SAMMSON: variants seen among roughly 807,000 people sequenced by gnomAD.
SAMMSON encodes survival associated mitochondrial melanoma specific oncogenic non-coding RNA, also known as long intergenic non-protein coding RNA 1212.
intron 2 of SAMMSON, among the ~76,000 whole-genome samples, chr3:70,429,997 T>A (rs927549055): frequency 6.6e-6 from 1 of 152,142 alleles, no homozygotes; most frequent in Non-Finnish European, 1.5e-5. Context: ...GAACTTCCAA[T>A]ACTATGTTGA....
At chr3:70,094,240 C>G (rs543994778) in intron 4 of SAMMSON, among the ~76,000 whole-genome samples, 1 of 152,258 alleles carries the variant, frequency 6.6e-6, no homozygotes, top group East Asian at 1.9e-4. Flanking sequence ...TAGGCCACCA[C>G]CAGGATCTCA....
intron 7 of SAMMSON, among the ~76,000 whole-genome samples, chr3:70,297,471 C>G (rs770618405): frequency 6.6e-6 from 1 of 151,952 alleles, no homozygotes; most frequent in African/African-American, 2.4e-5. Flanking sequence ...TCTCTGGTTA[C>G]TAATGACAAA....
At chr3:70,019,240 G>A (rs565144709) in intron 3 of SAMMSON, among the ~76,000 whole-genome samples, 7 of 152,098 alleles carry the variant, frequency 4.6e-5, no homozygotes, top group South Asian at 2.1e-4. Flanking sequence ...GATCTCTAAG[G>A]ACTTGCTTTA....
At chr3:70,103,991 A>C (rs1424541001) in intron 4 of SAMMSON, among the ~76,000 whole-genome samples, 1 of 142,112 alleles carries the variant, frequency 7.0e-6, no homozygotes, top group Non-Finnish European at 1.5e-5. Flanking sequence ...TGATTCATTT[A>C]AGCTTTTTTT....
In SAMMSON at chr3:70,362,429, G is replaced by T. The variant is rs115234482; in HGVS notation, n.913+4105G>T. ...ATGTCTTTGACCTTATGTTTCTGGT[G>T]TTCTGCATGTATAGAAAGTCTGTTT... On this transcript the variant is annotated intron_variant and non_coding_transcript_variant, in intron 9 of 9. Transcript: ENST00000642114. Among the ~76,000 whole-genome samples the T allele has an allele frequency of 2.8e-3, 422 of 152,178 alleles. 3 individuals carry two copies. Among genetic ancestry groups the T allele is most frequent in the Non-Finnish European group, 4.2e-3 (288 of 67,982 alleles).
chr3:70,094,468 T>G (rs983535363), intron 4 of SAMMSON, among the ~76,000 whole-genome samples: 3 of 152,204 alleles, frequency 2.0e-5, no homozygotes, highest in Non-Finnish European at 2.9e-5. Flanking sequence ...TAATATGCTC[T>G]AAAATTCTCT....
chr3:70,288,129 TAG>T (rs1702187944), intron 6 of SAMMSON, among the ~76,000 whole-genome samples: 1 of 145,992 alleles, frequency 6.8e-6, no homozygotes, highest in Non-Finnish European at 1.5e-5. Context: ...CTTGCTTTTC[TAG>T]TTCTTTTAAT....
At chr3:70,417,652 A>C (rs9875138) in intron 2 of SAMMSON, among the ~76,000 whole-genome samples, 47,228 of 151,970 alleles carry the variant, frequency 0.31, 7,612 homozygotes, top group Non-Finnish European at 0.34. Context: ...ACTTTCTCTG[A>C]GTTAGCTTCC....
intron 4 of SAMMSON, among the ~76,000 whole-genome samples, chr3:70,149,640 T>A (rs893632167): frequency 6.6e-6 from 1 of 152,098 alleles, no homozygotes; most frequent in African/African-American, 2.4e-5. Context: ...CAGTTAACTT[T>A]GCTTCTGATT....
intron 3 of SAMMSON, among the ~76,000 whole-genome samples, chr3:70,018,179 C>G (rs2066995029): frequency 6.6e-6 from 1 of 152,084 alleles, no homozygotes. Context: ...CTTCTTGTAC[C>G]TCTGATAGAA....
intron 4 of SAMMSON, among the ~76,000 whole-genome samples, chr3:70,099,610 A>G (rs1476812223): frequency 6.6e-6 from 1 of 152,202 alleles, no homozygotes; most frequent in Non-Finnish European, 1.5e-5. Flanking sequence ...TTTGTCAATT[A>G]TATGTTTTGC....
chr3:70,155,986 T>C (rs1234430610), intron 4 of SAMMSON, among the ~76,000 whole-genome samples: 1 of 152,036 alleles, frequency 6.6e-6, no homozygotes, highest in Non-Finnish European at 1.5e-5. Flanking sequence ...CTTGCTCCCA[T>C]TTTGCAGATG....
intron 4 of SAMMSON, among the ~76,000 whole-genome samples, chr3:70,167,206 A>C (rs1054699836): frequency 6.6e-6 from 1 of 151,976 alleles, no homozygotes; most frequent in Non-Finnish European, 1.5e-5. Flanking sequence ...GCTAGTGACT[A>C]TCGTATTGGA....
intron 4 of SAMMSON, among the ~76,000 whole-genome samples, chr3:70,135,607 A>G (rs997935143): frequency 2.0e-5 from 3 of 152,204 alleles, no homozygotes; most frequent in African/African-American, 7.2e-5. Context: ...ATAAAAACAC[A>G]TAAGCCAAAG....
At chr3:70,233,114 G>T (rs1701576803) in intron 4 of SAMMSON, among the ~76,000 whole-genome samples, 1 of 152,174 alleles carries the variant, frequency 6.6e-6, no homozygotes, top group South Asian at 2.1e-4. Context: ...GCTTAAACCT[G>T]GGAGGCAGAG....
intron 4 of SAMMSON, among the ~76,000 whole-genome samples, chr3:70,192,091 C>T (rs776776944): frequency 2.0e-5 from 3 of 151,858 alleles, no homozygotes; most frequent in Non-Finnish European, 4.4e-5. Context: ...AGGTGAAATT[C>T]GGATTTTAGT....
chr3:70,296,971 T>C (rs1311955352), intron 7 of SAMMSON, among the ~76,000 whole-genome samples: 2 of 152,014 alleles, frequency 1.3e-5, no homozygotes, highest in Non-Finnish European at 2.9e-5. Flanking sequence ...CAATATCTGA[T>C]CTAATATCCC....
intron 2 of SAMMSON, among the ~76,000 whole-genome samples, chr3:70,405,168 G>C (rs891037149): frequency 6.6e-6 from 1 of 152,104 alleles, no homozygotes; most frequent in Admixed American, 6.5e-5. Flanking sequence ...TACCAAATAA[G>C]GGTCACCACA....
At chr3:70,299,460 A>C (rs4437104) in intron 7 of SAMMSON, among the ~76,000 whole-genome samples, 31,553 of 152,022 alleles carry the variant, frequency 0.21, 3,469 homozygotes, top group South Asian at 0.28. Context: ...AAGCCACACA[A>C]AAGCACATAC....
Sources: gnomAD v4.1 joint callset for allele counts (sites outside exome capture counted in the v4.1 genomes callset) on GRCh38, gnomAD v4.1.1 for gene constraint, MANE v1.5 for transcripts, NCBI Gene and HGNC (gene_info 2026-07-23, HGNC 2026-07-21) for gene names.